The following PIP5K1B variants were observed in gnomAD, a reference collection of about 807,000 sequenced individuals.
The protein encoded by PIP5K1B is phosphatidylinositol-4-phosphate 5-kinase type 1 beta, also known as phosphatidylinositol 4-phosphate 5-kinase type-1 beta.
PIP5K1B carries 42 observed loss-of-function variants against 67.0 expected under a neutral mutation model. The observed-to-expected ratio is 0.63, with a 90% CI of 0.49 to 0.81. The LOEUF is 0.81. Ranked by LOEUF, PIP5K1B falls within the 30% of genes least tolerant of loss-of-function variation. The pLI, the probability that PIP5K1B is intolerant of heterozygous loss-of-function variation, is 0.00. For synonymous variants in PIP5K1B, 214 were observed against 231.4 expected, an observed-to-expected ratio of 0.92 and a Z score of 0.68; for missense variants, 459 against 646.3, an observed-to-expected ratio of 0.71 and a Z score of 3.14.
At chr9:68,844,135 A>G (rs1181609782) in intron 4 of PIP5K1B, among the ~76,000 whole-genome samples, 1 of 152,260 alleles carries the variant, frequency 6.6e-6, no homozygotes, top group Non-Finnish European at 1.5e-5. Context: ...GAGAGGCCTT[A>G]CAGTAGGGGT....
intron 8 of PIP5K1B, among the ~76,000 whole-genome samples, chr9:68,910,370 C>T (rs1260733841): frequency 6.6e-6 from 1 of 152,106 alleles, no homozygotes; most frequent in Non-Finnish European, 1.5e-5. Context: ...CAACACAGAG[C>T]ACATAATCAC....
chr9:68,944,662 A>G (rs1827716123), intron 14 of PIP5K1B, among the ~76,000 whole-genome samples: 1 of 152,218 alleles, frequency 6.6e-6, no homozygotes, highest in African/African-American at 2.4e-5. Flanking sequence ...TGATGAGTCC[A>G]ACATTCTAGA....
At chr9:68,920,635 A>G (rs1012290236) in intron 11 of PIP5K1B, among the ~76,000 whole-genome samples, 1 of 151,826 alleles carries the variant, frequency 6.6e-6, no homozygotes, top group African/African-American at 2.4e-5. Context: ...CCCAAAGTGC[A>G]GGGATTACAG....
At chr9:68,709,528 C>A (rs552423222) in intron 1 of PIP5K1B, among the ~76,000 whole-genome samples, 1 of 152,266 alleles carries the variant, frequency 6.6e-6, no homozygotes, top group African/African-American at 2.4e-5. Context: ...ACCCTGTGCT[C>A]GGCCAAAATG....
chr9:68,874,479 G>A (rs767834636), intron 5 of PIP5K1B, among the ~76,000 whole-genome samples: 12 of 152,076 alleles, frequency 7.9e-5, no homozygotes, highest in Non-Finnish European at 1.6e-4. Flanking sequence ...TAACACTATC[G>A]TTTTATACCA....
chr9:68,820,118 AG>A (rs1833660262), intron 3 of PIP5K1B, among the ~76,000 whole-genome samples: 1 of 152,134 alleles, frequency 6.6e-6, no homozygotes, highest in Non-Finnish European at 1.5e-5. Context: ...TGGTTTTAAA[AG>A]CTGCAAAGTC....
chr9:68,992,286 AG>A (rs774621151), intron 15 of PIP5K1B, among the ~76,000 whole-genome samples: 6 of 152,078 alleles, frequency 3.9e-5, no homozygotes, highest in African/African-American at 7.2e-5. Context: ...TACATAAAAC[AG>A]GGGAAGTGTT....
In PIP5K1B at chr9:68,940,498, T is replaced by C. The variant is rs1210111017; in HGVS notation, c.1358-148T>C. 3.1e-5 allele frequency: 21 copies of C among 680,918 alleles called. No homozygotes were observed. The South Asian group carries it at 4.8e-4, about 16-fold the overall frequency. 42.2% of individuals were successfully genotyped at this position (680,918 alleles called of 1,614,324 possible). A position where few individuals can be genotyped will look rare whatever the true frequency, so the allele number is the denominator to read the frequency against. Reference sequence around the variant, plus strand: ...AAGCTATTTTACATTTCTGCTGTAATTCAGAAAAAAAAAGTGCAGTTAATT... The same window carrying C: ...AAGCTATTTTACATTTCTGCTGTAACTCAGAAAAAAAAAGTGCAGTTAATT... On this transcript the variant is annotated intron_variant, in intron 13 of 15. Transcript: ENST00000265382.
chr9:68,878,276 A>T (rs187579529), intron 6 of PIP5K1B, among the ~76,000 whole-genome samples: 15 of 152,104 alleles, frequency 9.9e-5, no homozygotes, highest in Non-Finnish European at 1.6e-4. Context: ...CACACTGTTG[A>T]TCCAGTCAAT....
intron 12 of PIP5K1B, among the ~76,000 whole-genome samples, chr9:68,931,189 C>T (rs1826976144): frequency 6.6e-6 from 1 of 152,124 alleles, no homozygotes; most frequent in Non-Finnish European, 1.5e-5. Context: ...ATATTAGCCA[C>T]CATTATGTTG....
chr9:68,991,049 G>A, intron 14 of PIP5K1B, 91 bp from the exon 15 acceptor site: 1 of 744,842 alleles, frequency 1.3e-6, no homozygotes, highest in Admixed American at 2.1e-5. Flanking sequence ...ATCCCCAAAA[G>A]CTGCCCACCT....
intron 14 of PIP5K1B, among the ~76,000 whole-genome samples, chr9:68,961,348 A>T (rs1828738591): frequency 6.6e-6 from 1 of 152,258 alleles, no homozygotes; most frequent in Non-Finnish European, 1.5e-5. Flanking sequence ...CGAGGTGATG[A>T]AAATATTCTA....
intron 1 of PIP5K1B, among the ~76,000 whole-genome samples, chr9:68,713,064 C>T (rs539006153): frequency 1.1e-4 from 17 of 152,292 alleles, no homozygotes; most frequent in African/African-American, 4.1e-4. Context: ...AAAGTGCAGT[C>T]CTTAGACCAA....
intron 2 of PIP5K1B, among the ~76,000 whole-genome samples, chr9:68,803,200 G>T (rs1832695492): frequency 6.6e-6 from 1 of 152,122 alleles, no homozygotes; most frequent in Admixed American, 6.5e-5. Context: ...AGCTGGATGG[G>T]ATACGATAAA....
intron 14 of PIP5K1B, among the ~76,000 whole-genome samples, chr9:68,951,402 G>A (rs936912448): frequency 6.6e-6 from 1 of 152,220 alleles, no homozygotes; most frequent in Non-Finnish European, 1.5e-5. Flanking sequence ...CTTTGTCTGG[G>A]AGAAGATTTT....
chr9:68,868,186 C>T (rs1823452006), intron 5 of PIP5K1B, among the ~76,000 whole-genome samples: 1 of 152,082 alleles, frequency 6.6e-6, no homozygotes, highest in Admixed American at 6.6e-5. Context: ...AATATTTTGA[C>T]CCCAAATTCT....
At chr9:68,759,406 T>G (rs1830086233) in intron 2 of PIP5K1B, among the ~76,000 whole-genome samples, 1 of 152,092 alleles carries the variant, frequency 6.6e-6, no homozygotes, top group East Asian at 1.9e-4. Flanking sequence ...GAGTACAGCA[T>G]GTGTATTGTG....
chr9:68,778,747 G>T (rs1012500378), intron 2 of PIP5K1B, among the ~76,000 whole-genome samples: 1 of 152,112 alleles, frequency 6.6e-6, no homozygotes. Context: ...CTCCAGTGGC[G>T]TTTCATCATA....
At chr9:68,870,333 G>A (rs747624050) in intron 5 of PIP5K1B, among the ~76,000 whole-genome samples, 5 of 152,162 alleles carry the variant, frequency 3.3e-5, no homozygotes, top group Non-Finnish European at 7.4e-5. Flanking sequence ...CTCTGAAGAT[G>A]GTGCAGCCTC....
Sources: allele counts gnomAD v4.1 joint callset (sites outside exome capture counted in the v4.1 genomes callset), GRCh38; gene constraint gnomAD v4.1.1; transcripts MANE v1.5; gene names NCBI Gene and HGNC (gene_info 2026-07-23, HGNC 2026-07-21).